The following ADAM7 variants were observed in gnomAD, a reference collection of about 807,000 sequenced individuals.
The protein encoded by ADAM7 is ADAM metallopeptidase domain 7.
ADAM7 carries 97 observed loss-of-function variants against 102.9 expected under a neutral mutation model. The ratio of observed to expected loss-of-function variants is 0.94; its 90% confidence interval spans 0.80 to 1.12. The LOEUF (loss-of-function observed/expected upper bound fraction) is 1.12, where lower values mean the gene tolerates loss of function less well. Among genes scored for constraint, ADAM7 ranks in the 50% most tolerant of loss-of-function variants. The pLI is 0.00. For missense variants in ADAM7, 991 were observed against 908.7 expected (o/e 1.09, Z -1.16); for synonymous variants, 334 against 304.4 (o/e 1.10, Z -1.01).
chr8:24,482,421 C>G, intron 9 of ADAM7, 110 bp downstream of exon 9: 2 of 1,062,946 alleles, frequency 1.9e-6, no homozygotes, highest in Non-Finnish European at 1.4e-6. Context: ...TTTTGGGTAG[C>G]ACACAGGGAC....
Position 24,491,963 on chromosome 8 carries a change from TG to T in ADAM7, c.1418del (p.Cys473SerfsTer48). 1 of 1,613,796 alleles carries T rather than the reference TG, an allele frequency of 6.2e-7. No homozygotes were observed. The highest frequency in any genetic ancestry group is 8.5e-7 in the Non-Finnish European group (1 of 1,179,828). On this transcript the variant is annotated frameshift_variant, in exon 14 of 22. Coordinates refer to ENST00000175238, the MANE Select transcript of ADAM7 (RefSeq NM_003817.4). LOFTEE classifies it high-confidence loss of function. ...AKDECDFPEMCTGHSPACPKD... is the reference protein window; with the variant it reads ...AKDECDFPEMXTGHSPACPKD... ...AGATGAATGTGATTTTCCTGAGATG[TG>T]CACTGGCCACTCGCCTGCCTGTCCT...
At chr8:24,458,441 T>C (rs11781920) in intron 3 of ADAM7, among the ~76,000 whole-genome samples, 6,657 of 152,254 alleles carry the variant, frequency 0.044, 205 homozygotes, top group African/African-American at 0.058. Flanking sequence ...ATTGTCTTTA[T>C]TATTTCATTT....
At chr8:24,489,409 A>T (rs1038741822) in intron 12 of ADAM7, 76 bp downstream of exon 12, 1 of 1,384,694 alleles carries the variant, frequency 7.2e-7, no homozygotes, top group African/African-American at 1.5e-5. Flanking sequence ...GTGGCCATTA[A>T]TCAAACCAAC....
rs569204775 is a variant in ADAM7 at position 24,467,179 on chromosome 8, A to C, written c.579+191A>C. 142 of 608,404 alleles carry C rather than the reference A, an allele frequency of 2.3e-4. 2 individuals are homozygous for C. Among genetic ancestry groups the C allele is most frequent in the African/African-American group, 2.2e-3 (117 of 54,122 alleles). 37.7% of individuals were successfully genotyped at this position (608,404 alleles called of 1,614,324 possible). ...AGTGTTTATTTCATAGAGTTTGTTT[A>C]ATCAGTTTCAAGAAAGGATGATTCT... On this transcript the variant is annotated intron_variant, in intron 6 of 21. Coordinates refer to ENST00000175238, the MANE Select transcript of ADAM7 (RefSeq NM_003817.4).
intron 5 of ADAM7, 41 bp from the exon 6 acceptor site, chr8:24,466,757 AT>A (rs749494721): frequency 6.4e-7 from 1 of 1,562,906 alleles, no homozygotes; most frequent in African/African-American, 1.4e-5. Flanking sequence ...AAATAGAGTA[AT>A]TATAGGCCTT....
Position 24,485,352 on chromosome 8 carries a change from T to C in ADAM7, c.951T>C (p.Ser317=), listed in dbSNP as rs750992978. The part of the protein sequence containing the change: ...GGMCLPYYST[S]IIKDLLPDTN... Reference sequence around the variant, plus strand: ...TGTGCCTGCCCTATTATTCCACCAGTATCATTAAGGTGGGCTGTGTTTTAT... The same window carrying C: ...TGTGCCTGCCCTATTATTCCACCAGCATCATTAAGGTGGGCTGTGTTTTAT... Residue 317 remains serine (S), a synonymous_variant, in exon 10 of 22, where the codon AGT becomes AGC. Transcript: ENST00000175238. 2.5e-6 allele frequency: 4 copies of C among 1,612,960 alleles called. No individual in the cohort carries two copies. The Admixed American group carries it at 5.0e-5, about 20-fold the overall frequency.
chr8:24,458,372 A>C (rs1020795388), intron 3 of ADAM7, among the ~76,000 whole-genome samples: 1 of 152,126 alleles, frequency 6.6e-6, no homozygotes, highest in Non-Finnish European at 1.5e-5. Flanking sequence ...TGGAGCTCTC[A>C]CCTGTCTTGT....
chr8:24,502,300 G>A (rs1820789797), intron 20 of ADAM7, among the ~76,000 whole-genome samples: 2 of 152,004 alleles, frequency 1.3e-5, no homozygotes, highest in African/African-American at 4.8e-5. Context: ...GCGCTTATCT[G>A]CTTCTGTTTG....
At chr8:24,502,428 C>G (rs568824270) in intron 20 of ADAM7, among the ~76,000 whole-genome samples, 8 of 151,992 alleles carry the variant, frequency 5.3e-5, no homozygotes, top group African/African-American at 1.9e-4. Flanking sequence ...TCAGATTGAT[C>G]ACTAATGAAA....
intron 6 of ADAM7, 169 bp downstream of exon 6, chr8:24,467,157 G>A: frequency 4.7e-6 from 3 of 637,654 alleles, no homozygotes; most frequent in Non-Finnish European, 5.4e-6. Flanking sequence ...TGTAAAAAGT[G>A]TTTATTTCAT....
Position 24,507,368 on chromosome 8 carries a change from C to T in ADAM7, c.2209-112C>T, listed in dbSNP as rs541386893. ...TTTTTCATGGAGCAAGCAGAGGTGG[C>T]CTGCGTGTGTATGTGCTCATGTGTA... On this transcript the variant is annotated intron_variant, in intron 20 of 21. Coordinates refer to ENST00000175238, the MANE Select transcript of ADAM7 (RefSeq NM_003817.4). 26 of 766,364 alleles carry T rather than the reference C, an allele frequency of 3.4e-5. 1 individual carries two copies. In the East Asian group the frequency reaches 5.3e-4, roughly 15 times the overall value. 47.5% of individuals were successfully genotyped at this position (766,364 alleles called of 1,614,324 possible).
intron 20 of ADAM7, among the ~76,000 whole-genome samples, chr8:24,503,807 A>G (rs911857537): frequency 6.6e-6 from 1 of 152,048 alleles, no homozygotes; most frequent in South Asian, 2.1e-4. Context: ...GTTCTCACTC[A>G]TAAGTGGGAG....
chr8:24,449,393 C>G (rs1818689871), intron 3 of ADAM7, among the ~76,000 whole-genome samples: 2 of 152,336 alleles, frequency 1.3e-5, no homozygotes, highest in South Asian at 4.1e-4. Context: ...TTGCATTTCT[C>G]TGATGGCCAG....
At chr8:24,463,573 G>GT (rs1406596978) in intron 3 of ADAM7, among the ~76,000 whole-genome samples, 1 of 151,988 alleles carries the variant, frequency 6.6e-6, no homozygotes, top group Non-Finnish European at 1.5e-5. Context: ...ATTAATGCAT[G>GT]TTTTTTGCAT....
At chr8:24,452,602 C>T (rs1284227781) in intron 3 of ADAM7, among the ~76,000 whole-genome samples, 1 of 150,076 alleles carries the variant, frequency 6.7e-6, no homozygotes, top group Non-Finnish European at 1.5e-5. Flanking sequence ...GACTCTTTAT[C>T]CAATTTGCCA....
intron 20 of ADAM7, among the ~76,000 whole-genome samples, chr8:24,505,229 G>T (rs534993345): frequency 2.0e-5 from 3 of 152,212 alleles, no homozygotes; most frequent in Non-Finnish European, 2.9e-5. Flanking sequence ...AGTCAGGAAA[G>T]GTAGGCTGAG....
chr8:24,446,977 T>G (rs575185721), intron 2 of ADAM7, among the ~76,000 whole-genome samples: 1 of 151,344 alleles, frequency 6.6e-6, no homozygotes, highest in South Asian at 2.1e-4. Flanking sequence ...AGAAGAAATC[T>G]AGTTCTAAAA....
In ADAM7 at chr8:24,492,527, A is replaced by G; in HGVS notation, c.1585A>G (p.Met529Val). 6.2e-7 allele frequency: 1 copy of G among 1,612,746 alleles called. No individual in the cohort carries two copies. The highest frequency in any genetic ancestry group is 8.5e-7 in the Non-Finnish European group (1 of 1,179,252). The change falls in exon 15 of 22, where the codon ATG (methionine) becomes GTG (valine). Residue 529 changes from methionine (M) to valine (V), a missense_variant. Coordinates refer to ENST00000175238, the MANE Select transcript of ADAM7 (RefSeq NM_003817.4). ...AIESHDICYK[M>V]NTKGNKFGYC... ...AGAGAGTCATGATATCTGCTACAAG[A>G]TGAATACAAAAGGAAATAAATTTGG...
chr8:24,458,234 T>C (rs776278217), intron 3 of ADAM7, among the ~76,000 whole-genome samples: 3 of 152,212 alleles, frequency 2.0e-5, no homozygotes, highest in Non-Finnish European at 2.9e-5. Context: ...GCAATTTTAC[T>C]GAATTTCATT....
Sources: allele counts gnomAD v4.1 joint callset (sites outside exome capture counted in the v4.1 genomes callset), GRCh38; gene constraint gnomAD v4.1.1; transcripts MANE v1.5; gene names NCBI Gene and HGNC (gene_info 2026-07-23, HGNC 2026-07-21).